Variants in IKZF2 observed in about 807,000 individuals in gnomAD.
IKZF2 encodes zinc finger protein Helios.
IKZF2 carries 15 observed loss-of-function variants against 49.2 expected under a neutral mutation model. The observed-to-expected ratio is 0.30, with a 90% confidence interval of 0.20 to 0.47. IKZF2 has a LOEUF of 0.47. Ranked by LOEUF, IKZF2 falls within the 20% of genes least tolerant of loss-of-function variation. The pLI is 1.00. For synonymous variants in IKZF2, 227 were observed against 221.4 expected, an observed-to-expected ratio of 1.03 and a Z score of -0.23; for missense variants, 567 against 664.6, an observed-to-expected ratio of 0.85 and a Z score of 1.61.
chr2:213,028,820 C>A (rs1574537052), intron 6 of IKZF2, among the ~76,000 whole-genome samples: 1 of 152,140 alleles, frequency 6.6e-6, no homozygotes, highest in African/African-American at 2.4e-5. Context: ...CAAATGATAA[C>A]CATCATGATG....
chr2:213,141,165 A>G (rs2060852996), intron 4 of IKZF2, among the ~76,000 whole-genome samples: 1 of 152,012 alleles, frequency 6.6e-6, no homozygotes, highest in Admixed American at 6.6e-5. Context: ...CTACCCAAGT[A>G]CTGTCTACTT....
intron 4 of IKZF2, among the ~76,000 whole-genome samples, chr2:213,057,701 C>T (rs1167738748): frequency 2.0e-5 from 3 of 152,130 alleles, no homozygotes; most frequent in African/African-American, 7.2e-5. Flanking sequence ...AAATGTAGTA[C>T]ACAGACCTCA....
chr2:213,125,737 C>A (rs773360758), intron 4 of IKZF2, among the ~76,000 whole-genome samples: 3 of 151,906 alleles, frequency 2.0e-5, no homozygotes, highest in Admixed American at 6.6e-5. Context: ...ACCTAAATGT[C>A]CAACAGTGAA....
At chr2:213,147,841 T>A (rs778996194) in intron 3 of IKZF2, 29 bp from the exon 4 acceptor site, 5 of 1,527,688 alleles carry the variant, frequency 3.3e-6, no homozygotes, top group Non-Finnish European at 4.5e-6. Flanking sequence ...ATCTTTTGGT[T>A]TCTATTCATT....
chr2:213,148,552 G>T, intron 3 of IKZF2, 44 bp downstream of exon 3: 2 of 1,408,552 alleles, frequency 1.4e-6, no homozygotes, highest in Middle Eastern at 3.6e-4. Context: ...TAATACAAAG[G>T]CAACTTTATT....
chr2:213,055,722 G>A (rs965353799), intron 5 of IKZF2, among the ~76,000 whole-genome samples: 1 of 151,980 alleles, frequency 6.6e-6, no homozygotes, highest in East Asian at 1.9e-4. Flanking sequence ...ACCTACATAA[G>A]GGATAATGGA....
intron 4 of IKZF2, among the ~76,000 whole-genome samples, chr2:213,089,377 G>C (rs982117458): frequency 6.6e-6 from 1 of 152,152 alleles, no homozygotes; most frequent in East Asian, 1.9e-4. Flanking sequence ...TCACTTTTGT[G>C]CAGGCCTCCT....
At position 213,046,965 on chromosome 2, in the gene IKZF2, C is replaced by T. The variant is rs1269513353; in HGVS notation, c.574+2748G>A. Among the ~76,000 whole-genome samples, 8 of 152,250 alleles carry T rather than the reference C, an allele frequency of 5.3e-5. No homozygotes were observed. In the South Asian group the frequency reaches 1.2e-3, roughly 24 times the overall value. ...TCTATGACTGATTTAACTACCACCA[C>T]TGCTGAGCTCACAATTTTCCAGTGC... On this transcript the variant is annotated intron_variant, in intron 6 of 8. Coordinates refer to ENST00000434687, the MANE Select transcript of IKZF2 (RefSeq NM_001387220.1).
intron 4 of IKZF2, among the ~76,000 whole-genome samples, chr2:213,141,470 T>G (rs1236030128): frequency 1.3e-5 from 2 of 151,988 alleles, no homozygotes; most frequent in Non-Finnish European, 2.9e-5. Flanking sequence ...AAGTCATTCC[T>G]GGCCTCGAAT....
chr2:213,113,147 GAGATAACC>G (rs2059767449), intron 4 of IKZF2, among the ~76,000 whole-genome samples: 1 of 152,106 alleles, frequency 6.6e-6, no homozygotes, highest in Admixed American at 6.5e-5. Flanking sequence ...TCAAGGCCTT[GAGATAACC>G]AGTAAATATT....
At chr2:213,088,992 C>A (rs1704990692) in intron 4 of IKZF2, among the ~76,000 whole-genome samples, 1 of 152,118 alleles carries the variant, frequency 6.6e-6, no homozygotes, top group East Asian at 1.9e-4. Context: ...GTAAGGGAAA[C>A]CATAATTGCA....
chr2:213,151,084 C>T (rs1177109385), intron 1 of IKZF2, among the ~76,000 whole-genome samples: 3 of 151,990 alleles, frequency 2.0e-5, no homozygotes, highest in Non-Finnish European at 4.4e-5. Context: ...ATCCCAGAAA[C>T]AGATTACAAG....
chr2:213,014,708 A>G (rs1374927358), intron 7 of IKZF2: 4 of 152,010 alleles, frequency 2.6e-5, no homozygotes, highest in African/African-American at 9.7e-5. Context: ...GCCCTTAGAC[A>G]CTGACATTCA....
In IKZF2 at chr2:213,007,986, G is replaced by C. The variant is rs773841007; in HGVS notation, c.955C>G (p.Gln319Glu). The change falls in exon 9 of 9, where the codon CAA becomes GAA. Residue 319 changes from glutamine (Q) to glutamate (E), a missense_variant. Coordinates refer to ENST00000434687, the MANE Select transcript of IKZF2 (RefSeq NM_001387220.1). ...TAGGTGATTGCATTGTTGATGGCTTGGTCCATCATATGAGACTGCATCAGC... is the reference window on the plus strand; with the variant it reads ...TAGGTGATTGCATTGTTGATGGCTTCGTCCATCATATGAGACTGCATCAGC... ...AELMQSHMMD[Q>E]AINNAITYLG... is the part of the protein sequence containing the mutation. The C allele has an allele frequency of 6.2e-7, 1 of 1,613,334 alleles. No homozygotes were observed. The highest frequency in any genetic ancestry group is 8.5e-7 in the Non-Finnish European group (1 of 1,179,682).
chr2:213,064,184 G>A (rs1242873917), intron 4 of IKZF2, among the ~76,000 whole-genome samples: 1 of 151,716 alleles, frequency 6.6e-6, no homozygotes, highest in Non-Finnish European at 1.5e-5. Flanking sequence ...ATCGGTGGTA[G>A]GTTAAGGCAG....
At chr2:213,084,307 A>G (rs1704313658) in intron 4 of IKZF2, among the ~76,000 whole-genome samples, 1 of 152,200 alleles carries the variant, frequency 6.6e-6, no homozygotes, top group South Asian at 2.1e-4. Flanking sequence ...TAAGGAGTAA[A>G]TTGTATAGAC....
At chr2:213,101,552 C>CAAA (rs68024878) in intron 4 of IKZF2, among the ~76,000 whole-genome samples, 7 of 150,264 alleles carry the variant, frequency 4.7e-5, no homozygotes, top group African/African-American at 1.2e-4. Flanking sequence ...TCTGAGATTA[C>CAAA]AAAAAAAAAA....
rs770854601 is a variant in IKZF2 at position 213,148,648 on chromosome 2, CA to C, written c.-15-5del. 1 of 1,608,286 alleles carries C rather than the reference CA, an allele frequency of 6.2e-7. No homozygotes were observed. The highest frequency in any genetic ancestry group is 1.1e-5 in the South Asian group (1 of 90,898). Reference sequence around the variant, plus strand: ...TTTCCATAGTCAAAGTGCAATGCTGCAAAACAAAAGATTATACCCTTAATAC... The same window carrying C: ...TTTCCATAGTCAAAGTGCAATGCTGCAAACAAAAGATTATACCCTTAATAC... On this transcript the variant is annotated splice_region_variant and splice_polypyrimidine_tract_variant and intron_variant, in intron 2 of 8. Coordinates refer to ENST00000434687, the MANE Select transcript of IKZF2 (RefSeq NM_001387220.1).
chr2:213,076,053 T>C (rs569808309), intron 4 of IKZF2, among the ~76,000 whole-genome samples: 2 of 152,270 alleles, frequency 1.3e-5, no homozygotes, highest in South Asian at 4.1e-4. Flanking sequence ...TGTTTTTAAA[T>C]CACTGATTGT....
Sources: gnomAD v4.1 joint callset for allele counts (sites outside exome capture counted in the v4.1 genomes callset) on GRCh38, gnomAD v4.1.1 for gene constraint, MANE v1.5 for transcripts, NCBI Gene and HGNC (gene_info 2026-07-23, HGNC 2026-07-21) for gene names.